The following DIXDC1 variants were observed in gnomAD, a reference collection of about 807,000 sequenced individuals.
DIXDC1 encodes the protein DIX domain containing 1, also known as dixin.
Under a neutral mutation model 103.1 loss-of-function variants are expected in DIXDC1, and 64 were observed. The observed-to-expected ratio is 0.62, with a 90% CI of 0.51 to 0.76. The LOEUF (loss-of-function observed/expected upper bound fraction) is 0.76. Among genes scored for constraint, DIXDC1 ranks in the 30% least tolerant of loss-of-function variants. DIXDC1 has a pLI of 0.00. For synonymous variants in DIXDC1, 266 were observed against 298.5 expected (o/e 0.89, Z 1.12); for missense variants, 759 against 834.2 (o/e 0.91, Z 1.11).
intron 8 of DIXDC1, among the ~76,000 whole-genome samples, chr11:111,986,340 C>T (rs1431307479): frequency 7.1e-6 from 1 of 140,940 alleles, no homozygotes; most frequent in East Asian, 2.1e-4. Context: ...CCCTCCCCTG[C>T]ACCCAACCCC....
rs1031233415 is a variant in DIXDC1, at chr11:111,977,479, G to T, written c.656+2496G>T. The T allele has an allele frequency of 3.3e-5, 44 of 1,314,554 alleles. No homozygotes were observed. Among genetic ancestry groups the T allele is most frequent in the Non-Finnish European group, 4.3e-5 (44 of 1,034,344 alleles). The allele number at this position is 1,314,554 out of a possible 1,614,324, so 81.4% of individuals were successfully genotyped here. On this transcript the variant is annotated intron_variant, in intron 5 of 19. Coordinates refer to ENST00000440460, the MANE Select transcript of DIXDC1 (RefSeq NM_001037954.4). The surrounding 1 kb of genome is among the most constrained non-coding windows in gnomAD (Gnocchi z 6.1). ...TGCAGCGGCCAGGGGCCGGCAGCCT[G>T]CGAGGGGAGGCAGCTTCCGCCGGGG...
chr11:111,977,460 G>A lies in DIXDC1; in HGVS notation c.656+2477G>A. 2 of 1,278,182 alleles carry A rather than the reference G, an allele frequency of 1.6e-6. No individual in the cohort carries two copies. Among genetic ancestry groups the A allele is most frequent in the Non-Finnish European group, 9.9e-7 (1 of 1,011,898 alleles). The allele number at this position is 1,278,182 out of a possible 1,614,324, so 79.2% of individuals were successfully genotyped here. A position where few individuals can be genotyped will look rare whatever the true frequency, so the allele number is the denominator to read the frequency against. ...GCGTCCGCGGAGGCCAAGATGCAGC[G>A]GCCAGGGGCCGGCAGCCTGCGAGGG... On this transcript the variant is annotated intron_variant, in intron 5 of 19. Transcript: ENST00000440460. This position sits in a 1 kb window ranked among gnomAD's most constrained non-coding sequence, Gnocchi z 6.1.
intron 17 of DIXDC1, among the ~76,000 whole-genome samples, chr11:112,006,993 G>A (rs587728839): frequency 6.6e-6 from 1 of 152,166 alleles, no homozygotes; most frequent in East Asian, 1.9e-4. Flanking sequence ...TCAGAAGGTC[G>A]GTAATAAACT....
At chr11:112,005,691 C>G (rs781915588) in intron 17 of DIXDC1, among the ~76,000 whole-genome samples, 1 of 152,134 alleles carries the variant, frequency 6.6e-6, no homozygotes, top group Non-Finnish European at 1.5e-5. Flanking sequence ...GGGTGACAGA[C>G]AGAGTGAGAC....
chr11:111,959,724 T>C (rs1859508926), intron 1 of DIXDC1, among the ~76,000 whole-genome samples: 1 of 152,206 alleles, frequency 6.6e-6, no homozygotes. Flanking sequence ...TTATGTAAGA[T>C]GTAAAAATTT....
rs1397340843 is a variant in DIXDC1, at chr11:111,929,812, T to G, written c.-36-6T>G. On this transcript the variant is annotated splice_region_variant and splice_polypyrimidine_tract_variant and intron_variant, in intron 1 of 5. Coordinates refer to the DIXDC1 transcript ENST00000529225. ...TTTTGTACATTTCTTATTCTTCCTG[T>G]TTTAGATGGCCCTGATTCGTCTCTT... 6 of 1,483,006 alleles carry G rather than the reference T, an allele frequency of 4.0e-6. No homozygotes were observed. The Admixed American group carries it at 1.3e-4, about 32-fold the overall frequency. The allele number at this position is 1,483,006 out of a possible 1,614,324, so 91.9% of individuals were successfully genotyped here.
In DIXDC1 at chr11:111,977,547, A is replaced by G; in HGVS notation, c.656+2564A>G. ...CTGAGCGGCCGGGACTGCGCGCTTC[A>G]GAGCCTGGAGCATCCCAGTCGCTGG... is the stretch of plus-strand genomic sequence containing the variant. On this transcript the variant is annotated intron_variant, in intron 5 of 19. Coordinates refer to ENST00000440460, the MANE Select transcript of DIXDC1 (RefSeq NM_001037954.4). The surrounding 1 kb of genome is among the most constrained non-coding windows in gnomAD (Gnocchi z 6.1). 6.9e-7 allele frequency: 1 copy of G among 1,456,628 alleles called. No individual in the cohort carries two copies. The highest frequency in any genetic ancestry group is 2.6e-5 in the East Asian group (1 of 37,950). The allele number at this position is 1,456,628 out of a possible 1,614,324, so 90.2% of individuals were successfully genotyped here.
rs1555168364 is a variant in DIXDC1, at chr11:111,937,553, C to T, written c.54C>T (p.Phe18=). Residue 18 remains phenylalanine (F), a synonymous_variant, in exon 1 of 20, where the codon TTC becomes TTT. Transcript: ENST00000440460. The stretch of plus-strand genomic sequence containing the variant: ...TACTGGACGTCCTGCAGGAGGGCTT[C>T]AATGAGGTAACTGTCCTGCTCCTCC... ...GNLLDVLQEG[F]NEQQLQAYVA... 3 of 1,592,534 alleles carry T rather than the reference C, an allele frequency of 1.9e-6. No individual in the cohort carries two copies. Among genetic ancestry groups the T allele is most frequent in the Non-Finnish European group, 2.6e-6 (3 of 1,169,890 alleles).
At chr11:112,007,220 A>C (rs1397307566) in intron 17 of DIXDC1, among the ~76,000 whole-genome samples, 1 of 152,234 alleles carries the variant, frequency 6.6e-6, no homozygotes, top group Non-Finnish European at 1.5e-5. Flanking sequence ...ATTGAAGATC[A>C]AATTAATGAA....
intron 1 of DIXDC1, among the ~76,000 whole-genome samples, chr11:111,944,532 A>C (rs1555169193): frequency 6.6e-6 from 1 of 152,242 alleles, no homozygotes; most frequent in African/African-American, 2.4e-5. Context: ...AGAAGGTTAC[A>C]TTTGGTGGCA....
At chr11:111,966,247 G>A (rs1859727139) in intron 2 of DIXDC1, among the ~76,000 whole-genome samples, 1 of 82,476 alleles carries the variant, frequency 1.2e-5, no homozygotes, top group South Asian at 4.3e-4. Flanking sequence ...TTTTTGAAAC[G>A]GAGTTTTGCT....
chr11:111,966,050 A>T (rs182287314), intron 2 of DIXDC1, among the ~76,000 whole-genome samples: 13 of 151,976 alleles, frequency 8.6e-5, no homozygotes, highest in Admixed American at 2.0e-4. Context: ...CCAGCTACCC[A>T]TTTTTCCTTC....
chr11:111,953,814 G>T (rs1183454803), intron 1 of DIXDC1, among the ~76,000 whole-genome samples: 1 of 152,166 alleles, frequency 6.6e-6, no homozygotes, highest in South Asian at 2.1e-4. Flanking sequence ...TGTACTGTAA[G>T]GCTAAAGACA....
chr11:111,933,691 CAAAAA>C (rs34415537), upstream of DIXDC1, among the ~76,000 whole-genome samples: 37 of 111,808 alleles, frequency 3.3e-4, no homozygotes, highest in East Asian at 5.1e-4. Flanking sequence ...CTCTCTCTCT[CAAAAA>C]AAAAAAAAAA....
At chr11:111,927,739 G>C (rs1453363894) in intron 1 of DIXDC1, among the ~76,000 whole-genome samples, 6 of 152,044 alleles carry the variant, frequency 3.9e-5, no homozygotes, top group African/African-American at 1.4e-4. Flanking sequence ...AGTATTGGCC[G>C]GGCGCGGTGG....
rs782579586 is a variant in DIXDC1, at chr11:111,993,755, G to A, written c.1437+15G>A. ...AGGCAGATGAGGTAACCTAGACCCC[G>A]TGTTCTCCCTCCCACATTTATGAAG... On this transcript the variant is annotated intron_variant, in intron 14 of 19. Transcript: ENST00000440460. 16 of 1,613,010 alleles carry A rather than the reference G, an allele frequency of 9.9e-6. No individual in the cohort carries two copies. The highest frequency in any genetic ancestry group is 1.3e-5 in the African/African-American group (1 of 74,928).
At chr11:111,945,036 G>A (rs1355295290) in intron 1 of DIXDC1, among the ~76,000 whole-genome samples, 2 of 152,214 alleles carry the variant, frequency 1.3e-5, no homozygotes, top group African/African-American at 4.8e-5. Context: ...GCAGGGATAG[G>A]AAGTGGACGT....
rs781918231 is a variant in DIXDC1, at chr11:112,017,882, G to A, written c.1968G>A (p.Glu656=). The A allele has an allele frequency of 6.2e-7, 1 of 1,605,698 alleles. No individual in the cohort carries two copies. Among genetic ancestry groups the A allele is most frequent in the East Asian group, 2.2e-5 (1 of 44,696 alleles). The change falls in exon 19 of 20, where the codon GAG becomes GAA. Residue 656 remains glutamate (E), a synonymous_variant. Coordinates refer to ENST00000440460, the MANE Select transcript of DIXDC1 (RefSeq NM_001037954.4). This position sits in a 1 kb window ranked among gnomAD's most constrained non-coding sequence, Gnocchi z 4.0. ...ATCCTGAGTTTGGCACTGTCAAAGA[G>A]GAGGTAAAGAATCTGTGGGGAGTCT... is the stretch of plus-strand genomic sequence containing the variant. ...ALDPEFGTVK[E]EIFHDDDAIP...
chr11:112,022,335 GC>G lies in DIXDC1; in HGVS notation c.*3300del, dbSNP rs1230320955. Reference sequence around the variant, plus strand: ...TGTCTGAATTTATGTAAGAGGTATAGCTTGCTTAAAATACATATATATGTAA... The same window carrying G: ...TGTCTGAATTTATGTAAGAGGTATAGTTGCTTAAAATACATATATATGTAA... On this transcript the variant is annotated 3_prime_UTR_variant, in exon 20 of 20. Transcript: ENST00000440460. The surrounding 1 kb of genome is among the most constrained non-coding windows in gnomAD (Gnocchi z 4.9). The G allele has an allele frequency of 6.6e-6, 1 of 152,152 alleles. No individual in the cohort carries two copies. Among genetic ancestry groups the G allele is most frequent in the Non-Finnish European group, 1.5e-5 (1 of 68,024 alleles). The allele number at this position is 152,152 out of a possible 1,614,324, so 9.4% of individuals were successfully genotyped here.
Sources: gnomAD v4.1 joint callset for allele counts (sites outside exome capture counted in the v4.1 genomes callset) on GRCh38, gnomAD v4.1.1 for gene constraint, Gnocchi (gnomAD v3.1) non-coding constraint, MANE v1.5 for transcripts, NCBI Gene and HGNC (gene_info 2026-07-23, HGNC 2026-07-21) for gene names.